ZDHHC2: variants seen among roughly 807,000 people sequenced by gnomAD.
ZDHHC2 encodes palmitoyltransferase ZDHHC2.
A neutral mutation model predicts 55.6 loss-of-function variants in ZDHHC2; 51 were observed. That is an observed-to-expected ratio of 0.92 (90% CI 0.73 to 1.16). The LOEUF (loss-of-function observed/expected upper bound fraction) is 1.16, where lower values mean the gene tolerates loss of function less well. Among genes scored for constraint, ZDHHC2 ranks in the 50% most tolerant of loss-of-function variants. The probability of loss-of-function intolerance (pLI) is 0.00; values close to 1 mark genes in which losing one functional copy is unlikely to be tolerated. For missense variants in ZDHHC2, 491 were observed against 442.4 expected, an observed-to-expected ratio of 1.11 and a Z score of -0.99; for synonymous variants, 199 against 152.9, an observed-to-expected ratio of 1.30 and a Z score of -2.22.
At chr8:17,190,089 A>G (rs930398698) in intron 3 of ZDHHC2, among the ~76,000 whole-genome samples, 1 of 152,102 alleles carries the variant, frequency 6.6e-6, no homozygotes, top group African/African-American at 2.4e-5. Context: ...TTTTTTACGT[A>G]TTATTCATTT....
chr8:17,182,647 G>GCAA (rs2150903773), intron 1 of ZDHHC2, among the ~76,000 whole-genome samples: 1 of 150,182 alleles, frequency 6.7e-6, no homozygotes, highest in South Asian at 2.2e-4. Context: ...ACTGTGAATG[G>GCAA]CAATAATAAT....
At chr8:17,178,753 G>A (rs373369562) in intron 1 of ZDHHC2, among the ~76,000 whole-genome samples, 1 of 152,092 alleles carries the variant, frequency 6.6e-6, no homozygotes, top group African/African-American at 2.4e-5. Context: ...GGAGCAGTTT[G>A]TCATCCTTTT....
chr8:17,176,285 A>G (rs951548038), intron 1 of ZDHHC2, among the ~76,000 whole-genome samples: 6 of 152,178 alleles, frequency 3.9e-5, no homozygotes, highest in Non-Finnish European at 8.8e-5. Flanking sequence ...CTGAGAAAGT[A>G]CAAACTGAAA....
intron 5 of ZDHHC2, among the ~76,000 whole-genome samples, chr8:17,198,180 A>G (rs923627410): frequency 1.3e-5 from 2 of 152,160 alleles, no homozygotes; most frequent in Admixed American, 6.5e-5. Flanking sequence ...TTTGAATTCA[A>G]GTTATATTAT....
intron 4 of ZDHHC2, 26 bp downstream of exon 4, chr8:17,195,650 C>G (rs756547415): frequency 6.2e-7 from 1 of 1,612,482 alleles, no homozygotes; most frequent in Non-Finnish European, 8.5e-7. Context: ...GAGTGCTTTG[C>G]AATGGTATGC....
chr8:17,217,027 A>G lies in ZDHHC2; in HGVS notation c.1064-145A>G, dbSNP rs148798560. ...GTATAACGGGTGTGTGTGTGTTTCT[A>G]TATCACCATCTTATATATACCCTTA... On this transcript the variant is annotated intron_variant, in intron 11 of 12. Coordinates refer to ENST00000262096, the MANE Select transcript of ZDHHC2 (RefSeq NM_016353.5). 5.2e-4 allele frequency: 355 copies of G among 681,756 alleles called. 1 individual carries two copies. Among genetic ancestry groups the G allele is most frequent in the African/African-American group, 2.7e-3 (146 of 54,128 alleles). The allele number at this position is 681,756 out of a possible 1,614,324, so 42.2% of individuals were successfully genotyped here.
intron 1 of ZDHHC2, among the ~76,000 whole-genome samples, chr8:17,175,106 G>C (rs6993403): frequency 0.071 from 10,788 of 152,132 alleles, 462 homozygotes; most frequent in Middle Eastern, 0.088. Context: ...TTCTAGCATA[G>C]TTTAGCTCAG....
chr8:17,196,172 A>C (rs746061826), intron 4 of ZDHHC2, among the ~76,000 whole-genome samples: 1 of 152,090 alleles, frequency 6.6e-6, no homozygotes, highest in Non-Finnish European at 1.5e-5. Context: ...ACAACTATCC[A>C]CTTAAACAGT....
At chr8:17,157,813 T>A (rs1021975735) in intron 1 of ZDHHC2, among the ~76,000 whole-genome samples, 2 of 152,208 alleles carry the variant, frequency 1.3e-5, no homozygotes, top group Non-Finnish European at 2.9e-5. Flanking sequence ...GTTTTTGCCC[T>A]ACCAAGTGCT....
chr8:17,178,007 A>G lies in ZDHHC2; in HGVS notation c.131-6782A>G, dbSNP rs1805234046. 1.3e-5 allele frequency among the ~76,000 whole-genome samples: 2 copies of G among 152,186 alleles called. 1 individual carries two copies. The highest frequency in any genetic ancestry group is 4.8e-5 in the African/African-American group (2 of 41,452). On this transcript the variant is annotated intron_variant, in intron 1 of 12. Coordinates refer to ENST00000262096, the MANE Select transcript of ZDHHC2 (RefSeq NM_016353.5). ...ATTTGCAATAAAATACCCCAAAATC[A>G]CATTGTTTTAGAAACACTTTACTGT...
intron 1 of ZDHHC2, among the ~76,000 whole-genome samples, chr8:17,171,816 C>T (rs1284410812): frequency 6.6e-6 from 1 of 151,208 alleles, no homozygotes; most frequent in African/African-American, 2.4e-5. Context: ...GTGTAATGCC[C>T]AACCTTGTTT....
chr8:17,185,948 C>G (rs1805684853), intron 2 of ZDHHC2, among the ~76,000 whole-genome samples: 1 of 152,188 alleles, frequency 6.6e-6, no homozygotes. Flanking sequence ...GTCAGTAAAG[C>G]AAAGTTCTTA....
chr8:17,199,232 C>G (rs1335009555), intron 6 of ZDHHC2, among the ~76,000 whole-genome samples: 2 of 152,156 alleles, frequency 1.3e-5, no homozygotes, highest in African/African-American at 4.8e-5. Flanking sequence ...ATTATGGTAT[C>G]CTGTATCTTT....
intron 1 of ZDHHC2, among the ~76,000 whole-genome samples, chr8:17,174,588 C>T (rs921316247): frequency 6.6e-6 from 1 of 151,998 alleles, no homozygotes; most frequent in Non-Finnish European, 1.5e-5. Flanking sequence ...GATCTAGAGG[C>T]CAAAGCACAG....
chr8:17,162,460 A>G (rs745740981), intron 1 of ZDHHC2, among the ~76,000 whole-genome samples: 9 of 152,214 alleles, frequency 5.9e-5, no homozygotes, highest in Non-Finnish European at 1.2e-4. Flanking sequence ...GAATGTTTCC[A>G]GTAATTAAAC....
chr8:17,208,073 CA>C lies in ZDHHC2; in HGVS notation c.716del (p.Asn239IlefsTer5). On this transcript the variant is annotated frameshift_variant, in exon 8 of 13. Transcript: ENST00000262096. LOFTEE classifies it high-confidence loss of function. Reference sequence around the variant, plus strand: ...TTGGCTATCATTGTTGGCTAGTCAGCAAAAATAAATCTACATTAGGTGAGTA... The same window carrying C: ...TTGGCTATCATTGTTGGCTAGTCAGCAAAATAAATCTACATTAGGTGAGTA... ...LFGYHCWLVSKNKSTLEAFRS... is the reference protein window; with the variant it reads ...LFGYHCWLVSXNKSTLEAFRS... 1 of 1,575,362 alleles carries C rather than the reference CA, an allele frequency of 6.3e-7. No individual in the cohort carries two copies. Among genetic ancestry groups the C allele is most frequent in the Non-Finnish European group, 8.6e-7 (1 of 1,158,924 alleles).
chr8:17,172,537 T>C (rs1015018988), intron 1 of ZDHHC2, among the ~76,000 whole-genome samples: 1 of 152,200 alleles, frequency 6.6e-6, no homozygotes, highest in African/African-American at 2.4e-5. Context: ...TACTCAACCA[T>C]ACGGTATTAT....
rs1313022634 is a variant in ZDHHC2, at chr8:17,156,792, G to A, written c.69G>A (p.Val23=). The A allele has an allele frequency of 7.9e-6, 12 of 1,522,290 alleles. No homozygotes were observed. The African/African-American group carries it at 1.3e-4, about 16-fold the overall frequency. The allele number at this position is 1,522,290 out of a possible 1,614,324, so 94.3% of individuals were successfully genotyped here. ...RCRRVLYWIP[V]VFITLLLGWS... ...GGCGGGTGCTGTACTGGATCCCGGT[G>A]GTGTTCATCACCCTCCTGCTCGGCT... The change falls in exon 1 of 13, where the codon GTG becomes GTA. Residue 23 remains valine, a synonymous_variant. Transcript: ENST00000262096.
At chr8:17,172,252 T>C (rs939730637) in intron 1 of ZDHHC2, among the ~76,000 whole-genome samples, 6 of 152,226 alleles carry the variant, frequency 3.9e-5, no homozygotes, top group African/African-American at 1.4e-4. Context: ...CTAGCCCCTT[T>C]TTCAGGGCCG....
Sources: allele counts gnomAD v4.1 joint callset (sites outside exome capture counted in the v4.1 genomes callset), GRCh38; gene constraint gnomAD v4.1.1; transcripts MANE v1.5; gene names NCBI Gene and HGNC (gene_info 2026-07-23, HGNC 2026-07-21).